Variants in MALSU1 observed in about 807,000 individuals in gnomAD.
MALSU1 encodes the protein mitochondrial assembly of ribosomal large subunit protein 1.
Under a neutral mutation model 22.1 loss-of-function variants are expected in MALSU1, and 22 were observed. The ratio of observed to expected loss-of-function variants is 1.00; its 90% CI spans 0.71 to 1.42. The LOEUF is 1.42. MALSU1 is among the 40% of genes most tolerant of loss of function. The pLI is 0.00. For missense variants in MALSU1, 379 were observed against 308.3 expected, an observed-to-expected ratio of 1.23 and a Z score of -1.72; for synonymous variants, 153 against 118.5, an observed-to-expected ratio of 1.29 and a Z score of -1.89.
At chr7:23,299,719 A>G in intron 1 of MALSU1, 111 bp downstream of exon 1, 1 of 1,241,890 alleles carries the variant, frequency 8.1e-7, no homozygotes, top group Non-Finnish European at 1.1e-6. Context: ...GGAGTCACAA[A>G]ACTCCTGCAC....
intron 3 of MALSU1, 148 bp from the exon 4 acceptor site, chr7:23,309,208 G>C: frequency 1.6e-6 from 1 of 636,424 alleles, no homozygotes; most frequent in Non-Finnish European, 2.6e-6. Context: ...TGGTATTTTT[G>C]CTGGGATGGA....
intron 3 of MALSU1, 154 bp downstream of exon 3, chr7:23,308,103 T>C (rs987557382): frequency 3.1e-5 from 20 of 653,100 alleles, no homozygotes; most frequent in South Asian, 2.5e-4. Context: ...TTTTTAGTTA[T>C]AATCCAGGTG....
At position 23,311,543 on chromosome 7, in the gene MALSU1, T is replaced by C. The variant is rs543651199; in HGVS notation, c.*2000T>C. ...AATGGTAGTGCTGCTCTCCAGATAC[T>C]AGGCACTGCTCCGTATTTTTGAACA... On this transcript the variant is annotated 3_prime_UTR_variant, in exon 4 of 4. Coordinates refer to ENST00000466681, the MANE Select transcript of MALSU1 (RefSeq NM_138446.2). 2.6e-5 allele frequency: 4 copies of C among 152,440 alleles called. No homozygotes were observed. In the East Asian group the frequency reaches 7.7e-4, roughly 29 times the overall value. 9.4% of individuals were successfully genotyped at this position (152,440 alleles called of 1,614,324 possible). A position where few individuals can be genotyped will look rare whatever the true frequency, so the allele number is the denominator to read the frequency against.
rs749335332 is a variant in MALSU1, at chr7:23,299,385, C to G, written c.33C>G (p.Leu11=). 3 of 1,589,518 alleles carry G rather than the reference C, an allele frequency of 1.9e-6. No individual in the cohort carries two copies. The highest frequency in any genetic ancestry group is 2.6e-6 in the Non-Finnish European group (3 of 1,172,140). The change falls in exon 1 of 4, where the codon CTC becomes CTG. Residue 11 remains leucine (L), a synonymous_variant. Coordinates refer to ENST00000466681, the MANE Select transcript of MALSU1 (RefSeq NM_138446.2). The part of the protein sequence containing the change: MGPGGRVARL[L]APLMWRRAVS... ...CGGGCGGCCGTGTGGCGCGGCTGCT[C>G]GCCCCACTAATGTGGCGCAGGGCGG... is the stretch of plus-strand genomic sequence containing the variant.
At chr7:23,308,276 G>A (rs994753665) in intron 3 of MALSU1, among the ~76,000 whole-genome samples, 3 of 152,188 alleles carry the variant, frequency 2.0e-5, no homozygotes. Flanking sequence ...AGATTCCTTA[G>A]TAGTGGTAGA....
In MALSU1 at chr7:23,299,460, G is replaced by T. The variant is rs769810858; in HGVS notation, c.108G>T (p.Leu36=). The part of the protein sequence containing the change: ...SAVGAEPGLR[L]LAVQRLPVGA... Reference sequence around the variant, plus strand: ...TTGGAGCCGAGCCCGGGCTTCGGCTGCTGGCCGTGCAGCGGCTTCCCGTAG... The same window carrying T: ...TTGGAGCCGAGCCCGGGCTTCGGCTTCTGGCCGTGCAGCGGCTTCCCGTAG... Residue 36 remains leucine (L), a synonymous_variant, in exon 1 of 4, where the codon CTG becomes CTT. Transcript: ENST00000466681. 2.5e-5 allele frequency: 41 copies of T among 1,608,374 alleles called. No individual in the cohort carries two copies. The highest frequency in any genetic ancestry group is 3.4e-5 in the Non-Finnish European group (40 of 1,179,424).
At chr7:23,307,775 A>AAAC (rs1783740350) in intron 2 of MALSU1, 93 bp from the exon 3 acceptor site, 3 of 803,048 alleles carry the variant, frequency 3.7e-6, no homozygotes, top group African/African-American at 3.7e-5. Context: ...AAGATTAAAA[A>AAAC]AAACAAACAA....
At position 23,311,354 on chromosome 7, in the gene MALSU1, AGGT is replaced by A. The variant is rs1355181287; in HGVS notation, c.*1812_*1814del. On this transcript the variant is annotated 3_prime_UTR_variant, in exon 4 of 4. Coordinates refer to ENST00000466681, the MANE Select transcript of MALSU1 (RefSeq NM_138446.2). ...ATCTCTTCACTGATGCACTTTCTTT[AGGT>A]ATTGATAGTCAGAAGCACAAAGCAT... The A allele has an allele frequency of 1.3e-5, 2 of 152,598 alleles. No individual in the cohort carries two copies. Among genetic ancestry groups the A allele is most frequent in the Non-Finnish European group, 2.9e-5 (2 of 68,036 alleles). 9.5% of individuals were successfully genotyped at this position (152,598 alleles called of 1,614,324 possible). A position where few individuals can be genotyped will look rare whatever the true frequency, so the allele number is the denominator to read the frequency against.
intron 2 of MALSU1, among the ~76,000 whole-genome samples, chr7:23,303,217 G>A (rs930156863): frequency 2.0e-5 from 3 of 152,138 alleles, no homozygotes; most frequent in African/African-American, 7.2e-5. Context: ...CCTTCCGTAG[G>A]CAGCTACCAT....
rs1188596983 is a variant in MALSU1, at chr7:23,299,424, G to A, written c.72G>A (p.Ala24=). 3.4e-5 allele frequency: 55 copies of A among 1,602,388 alleles called. No homozygotes were observed. Among genetic ancestry groups the A allele is most frequent in the Non-Finnish European group, 4.7e-5 (55 of 1,178,172 alleles). The change falls in exon 1 of 4, where the codon GCG becomes GCA. Residue 24 remains alanine (A), a synonymous_variant. Coordinates refer to ENST00000466681, the MANE Select transcript of MALSU1 (RefSeq NM_138446.2). Reference sequence around the variant, plus strand: ...GGCGCAGGGCGGTTTCCTCGGTGGCGGGGTCCGCGGTTGGAGCCGAGCCCG... The same window carrying A: ...GGCGCAGGGCGGTTTCCTCGGTGGCAGGGTCCGCGGTTGGAGCCGAGCCCG... ...LMWRRAVSSV[A]GSAVGAEPGL... is the part of the protein sequence containing the mutation.
intron 2 of MALSU1, chr7:23,307,622 T>C (rs887352192): frequency 2.6e-6 from 1 of 385,776 alleles, no homozygotes; most frequent in African/African-American, 2.1e-5. Context: ...GGCACCTTGG[T>C]GAATGAATGG....
chr7:23,302,605 C>G (rs558368468), intron 2 of MALSU1, among the ~76,000 whole-genome samples: 1 of 152,216 alleles, frequency 6.6e-6, no homozygotes, highest in South Asian at 2.1e-4. Context: ...AGTCAGAAGA[C>G]TTAGTGACCA....
rs770931475 is a variant in MALSU1 at position 23,299,403 on chromosome 7, C to G, written c.51C>G (p.Arg17=). ...GGCTGCTCGCCCCACTAATGTGGCGCAGGGCGGTTTCCTCGGTGGCGGGGT... is the reference window on the plus strand; with the variant it reads ...GGCTGCTCGCCCCACTAATGTGGCGGAGGGCGGTTTCCTCGGTGGCGGGGT... ...VARLLAPLMW[R]RAVSSVAGSA... is the part of the protein sequence containing the mutation. The change falls in exon 1 of 4, where the codon CGC becomes CGG. Residue 17 remains arginine (R), a synonymous_variant. Coordinates refer to ENST00000466681, the MANE Select transcript of MALSU1 (RefSeq NM_138446.2). The G allele has an allele frequency of 1.3e-5, 21 of 1,599,368 alleles. No homozygotes were observed. The highest frequency in any genetic ancestry group is 1.8e-5 in the Non-Finnish European group (21 of 1,177,774).
In MALSU1 at chr7:23,301,005, C is replaced by T. The variant is rs778160571; in HGVS notation, c.423C>T (p.Tyr141=). 43 of 1,612,566 alleles carry T rather than the reference C, an allele frequency of 2.7e-5. No individual in the cohort carries two copies. The highest frequency in any genetic ancestry group is 2.7e-5 in the Non-Finnish European group (32 of 1,179,226). Residue 141 remains tyrosine (Y), a synonymous_variant, in exon 2 of 4, where the codon TAC becomes TAT. Transcript: ENST00000466681. ...GACACTTACATGCCATGGCCTTCTA[C>T]GTTGTGAAAATGGTAGGATGCTTTC... ...STRHLHAMAF[Y]VVKMYKHLKC... is the part of the protein sequence containing the mutation.
chr7:23,302,260 C>T (rs1562656015), intron 2 of MALSU1, among the ~76,000 whole-genome samples: 1 of 152,180 alleles, frequency 6.6e-6, no homozygotes, highest in Non-Finnish European at 1.5e-5. Flanking sequence ...TCCAGTTGCA[C>T]TGAATATGAA....
chr7:23,308,315 T>C (rs1028653181), intron 3 of MALSU1, among the ~76,000 whole-genome samples: 2 of 152,012 alleles, frequency 1.3e-5, no homozygotes, highest in African/African-American at 4.8e-5. Flanking sequence ...GGTGCATAAA[T>C]GAGATGAGGA....
At chr7:23,301,083 A>G (rs1783638986) in intron 2 of MALSU1, 66 bp downstream of exon 2, 1 of 1,436,534 alleles carries the variant, frequency 7.0e-7, no homozygotes, top group African/African-American at 1.4e-5. Context: ...CATCAGGCCA[A>G]GGAGCAACAC....
intron 2 of MALSU1, among the ~76,000 whole-genome samples, chr7:23,302,516 G>T (rs1268976957): frequency 1.3e-5 from 2 of 152,154 alleles, no homozygotes; most frequent in African/African-American, 4.8e-5. Flanking sequence ...GAGAGATAGG[G>T]AGAGAACTAG....
chr7:23,302,897 C>G (rs936061277), intron 2 of MALSU1, among the ~76,000 whole-genome samples: 3 of 152,180 alleles, frequency 2.0e-5, no homozygotes, highest in Admixed American at 2.0e-4. Flanking sequence ...CGGCCTAAGC[C>G]TCCTGAGTAG....
Sources: gnomAD v4.1 joint callset for allele counts (sites outside exome capture counted in the v4.1 genomes callset) on GRCh38, gnomAD v4.1.1 for gene constraint, MANE v1.5 for transcripts, NCBI Gene and HGNC (gene_info 2026-07-23, HGNC 2026-07-21) for gene names.